The following GPR35 variants were observed in gnomAD, a reference collection of about 807,000 sequenced individuals.
The protein encoded by GPR35 is G protein-coupled receptor 35.
For missense variants in GPR35, 372 were observed against 422.5 expected (o/e 0.88, Z 1.05); for synonymous variants, 207 against 198.4 (o/e 1.04, Z -0.36).
chr2:240,619,933 C>G (rs561019741), intron 5 of GPR35, among the ~76,000 whole-genome samples: 1 of 152,290 alleles, frequency 6.6e-6, no homozygotes, highest in East Asian at 1.9e-4. Context: ...CCCGATGGCT[C>G]TCTCTGCTGA....
In GPR35 at chr2:240,630,237, C is replaced by G; in HGVS notation, c.285C>G (p.Ile95Met). 1 of 1,565,494 alleles carries G rather than the reference C, an allele frequency of 6.4e-7. No homozygotes were observed. Among genetic ancestry groups the G allele is most frequent in the Non-Finnish European group, 8.6e-7 (1 of 1,158,534 alleles). ...CGCTGTGCCAGCTCTCCCAGGGCATCTACCTGACCAACAGGTACATGAGCA... is the reference window on the plus strand; with the variant it reads ...CGCTGTGCCAGCTCTCCCAGGGCATGTACCTGACCAACAGGTACATGAGCA... Reference protein sequence around the residue: ...DTPLCQLSQGIYLTNRYMSIS... With the variant: ...DTPLCQLSQGMYLTNRYMSIS... The change falls in exon 2 of 2, where the codon ATC (isoleucine) becomes ATG (methionine). Residue 95 changes from isoleucine to methionine, a missense_variant. Physicochemically the swap from Ile to Met is conservative, Grantham distance 10. Transcript: ENST00000407714.
intron 2 of GPR35, among the ~76,000 whole-genome samples, chr2:240,614,645 G>A (rs1188736240): frequency 6.6e-6 from 1 of 152,244 alleles, no homozygotes; most frequent in Admixed American, 6.5e-5. Context: ...CAGCATGGGT[G>A]CTTCCTGCCT....
At chr2:240,629,821 G>A (rs1039284136) in intron 1 of GPR35, 128 bp from the exon 2 acceptor site, 3 of 743,924 alleles carry the variant, frequency 4.0e-6, no homozygotes, top group Non-Finnish European at 6.7e-6. Flanking sequence ...GAGGAGTTTT[G>A]TGTTTGTGGG....
upstream of GPR35, among the ~76,000 whole-genome samples, chr2:240,623,567 G>C (rs2043333502): frequency 6.6e-6 from 1 of 151,952 alleles, no homozygotes; most frequent in Non-Finnish European, 1.5e-5. Context: ...GGAGCTAGGA[G>C]AGAAACAGCG....
chr2:240,627,663 C>CG (rs2043394062), intron 1 of GPR35: 2 of 80,964 alleles, frequency 2.5e-5, no homozygotes, highest in South Asian at 1.1e-3. Flanking sequence ...TTTGTAGAGA[C>CG]GGGGTCTCCC....
intron 2 of GPR35, among the ~76,000 whole-genome samples, chr2:240,610,361 T>C (rs2043171359): frequency 1.3e-5 from 2 of 152,282 alleles, no homozygotes; most frequent in Non-Finnish European, 2.9e-5. Context: ...TTGCATTTTA[T>C]AAATTTTTCC....
intron 2 of GPR35, among the ~76,000 whole-genome samples, chr2:240,615,789 ACTT>A (rs1044346357): frequency 9.2e-5 from 14 of 152,264 alleles, no homozygotes; most frequent in Non-Finnish European, 2.9e-5. Context: ...CATTTTCTCT[ACTT>A]CTACAATTTT....
chr2:240,612,154 C>G (rs1299030735), intron 2 of GPR35, among the ~76,000 whole-genome samples: 1 of 151,902 alleles, frequency 6.6e-6, no homozygotes, highest in African/African-American at 2.4e-5. Context: ...TACTCAACAT[C>G]TTATTAAAAC....
At position 240,632,072 on chromosome 2, in the gene GPR35, G is replaced by A. The variant is rs1412543357; in HGVS notation, c.*1190G>A. Among the ~76,000 whole-genome samples the A allele has an allele frequency of 6.6e-6, 1 of 152,110 alleles. No individual in the cohort carries two copies. The highest frequency in any genetic ancestry group is 1.5e-5 in the Non-Finnish European group (1 of 67,978). Reference sequence around the variant, plus strand: ...CCATGCCCAGGAAGGTCCATGCCCAGGATGGTCCATGAGCAGGAGGGCCTC... The same window carrying A: ...CCATGCCCAGGAAGGTCCATGCCCAAGATGGTCCATGAGCAGGAGGGCCTC... On this transcript the variant is annotated 3_prime_UTR_variant, in exon 2 of 2. Coordinates refer to ENST00000407714, the MANE Select transcript of GPR35 (RefSeq NM_005301.5).
rs114766188 is a variant in GPR35 at position 240,605,981 on chromosome 2, T to G, written c.-802-406T>G. Among the ~76,000 whole-genome samples the G allele has an allele frequency of 9.9e-3, 1,506 of 152,270 alleles. 22 individuals are homozygous for G. Among genetic ancestry groups the G allele is most frequent in the African/African-American group, 0.033 (1,386 of 41,556 alleles). On this transcript the variant is annotated intron_variant, in intron 1 of 5. Transcript: ENST00000319838. ...AGGCTGACCTGGGAGTCTCCGGAGCTCTCGGCTCTCTGTAGCATCCTGGGG... is the reference window on the plus strand; with the variant it reads ...AGGCTGACCTGGGAGTCTCCGGAGCGCTCGGCTCTCTGTAGCATCCTGGGG...
chr2:240,624,033 G>A (rs1202738838), upstream of GPR35, among the ~76,000 whole-genome samples: 1 of 151,962 alleles, frequency 6.6e-6, no homozygotes, highest in Non-Finnish European at 1.5e-5. Flanking sequence ...GAGCTCTGCA[G>A]GGCCCTGGCT....
chr2:240,613,841 A>C (rs1328845753), intron 2 of GPR35, among the ~76,000 whole-genome samples: 6 of 144,174 alleles, frequency 4.2e-5, no homozygotes, highest in African/African-American at 1.6e-4. Flanking sequence ...AACTACAACC[A>C]TAACCCTAAC....
chr2:240,630,041 T>C lies in GPR35; in HGVS notation c.89T>C (p.Leu30Pro). 1 of 1,612,742 alleles carries C rather than the reference T, an allele frequency of 6.2e-7. No individual in the cohort carries two copies. Among genetic ancestry groups the C allele is most frequent in the Non-Finnish European group, 8.5e-7 (1 of 1,179,908 alleles). The stretch of plus-strand genomic sequence containing the variant: ...GGCTTCTACGCCTACTTGGGCGTCC[T>C]GCTGGTGCTAGGCCTGCTGCTCAAC... ...KLGFYAYLGV[L>P]LVLGLLLNSL... The change falls in exon 2 of 2, where the codon CTG becomes CCG. Residue 30 changes from leucine (L) to proline (P), a missense_variant. Leu to Pro is a moderately conservative substitution (Grantham distance 98, BLOSUM62 -3). Coordinates refer to ENST00000407714, the MANE Select transcript of GPR35 (RefSeq NM_005301.5).
intron 2 of GPR35, among the ~76,000 whole-genome samples, chr2:240,614,857 G>T (rs760439420): frequency 1.6e-4 from 25 of 151,810 alleles, no homozygotes; most frequent in Non-Finnish European, 3.1e-4. Context: ...ATATATCTAT[G>T]TATGTATATG....
intron 1 of GPR35, among the ~76,000 whole-genome samples, 199 bp downstream of exon 1, chr2:240,625,767 TG>T (rs1385320608): frequency 1.4e-3 from 119 of 85,254 alleles, no homozygotes; most frequent in East Asian, 4.5e-3. Flanking sequence ...GAGGCTGTGA[TG>T]GGGGTCTCAG....
At chr2:240,626,492 G>A (rs1413296211) in intron 1 of GPR35, among the ~76,000 whole-genome samples, 1 of 151,990 alleles carries the variant, frequency 6.6e-6, no homozygotes, top group Non-Finnish European at 1.5e-5. Context: ...GGTGGGCTGA[G>A]GCTGTTGGGG....
At position 240,630,074 on chromosome 2, in the gene GPR35, C is replaced by T. The variant is rs148595408; in HGVS notation, c.122C>T (p.Ala41Val). ...LVLGLLLNSL[A>V]LWVFCCRMQQ... ...CTAGGCCTGCTGCTCAACAGCCTGGCGCTCTGGGTGTTCTGCTGCCGCATG... is the reference window on the plus strand; with the variant it reads ...CTAGGCCTGCTGCTCAACAGCCTGGTGCTCTGGGTGTTCTGCTGCCGCATG... Residue 41 changes from alanine (A) to valine (V), a missense_variant, in exon 2 of 2, where the codon GCG becomes GTG. Physicochemically the swap from Ala to Val is moderately conservative, Grantham distance 64 (BLOSUM62 0). Transcript: ENST00000407714. 1.1e-4 allele frequency: 183 copies of T among 1,611,448 alleles called. No individual in the cohort carries two copies. The highest frequency in any genetic ancestry group is 1.6e-4 in the Middle Eastern group (1 of 6,082).
intron 2 of GPR35, among the ~76,000 whole-genome samples, chr2:240,610,801 ATT>A (rs554784905): frequency 1.2e-4 from 16 of 137,086 alleles, no homozygotes; most frequent in African/African-American, 3.0e-4. Flanking sequence ...CGCCCGGCTA[ATT>A]TTTTTTTTTT....
In GPR35 at chr2:240,630,297, T is replaced by C; in HGVS notation, c.345T>C (p.Tyr115=). The C allele has an allele frequency of 2.5e-6, 4 of 1,576,254 alleles. No homozygotes were observed. The highest frequency in any genetic ancestry group is 3.4e-6 in the Non-Finnish European group (4 of 1,166,538). The change falls in exon 2 of 2, where the codon TAT becomes TAC. Residue 115 remains tyrosine (Y), a synonymous_variant. Coordinates refer to ENST00000407714, the MANE Select transcript of GPR35 (RefSeq NM_005301.5). ...TCACGGCCATCGCCGTGGACCGCTA[T>C]GTGGCCGTGCGGCACCCGCTGCGTG... ...SLVTAIAVDR[Y]VAVRHPLRAR...
Sources: gnomAD v4.1 joint callset for allele counts (sites outside exome capture counted in the v4.1 genomes callset) on GRCh38, gnomAD v4.1.1 for gene constraint, MANE v1.5 for transcripts, NCBI Gene and HGNC (gene_info 2026-07-23, HGNC 2026-07-21) for gene names.